WWOX: variants seen among roughly 807,000 people sequenced by gnomAD.
WWOX encodes WW domain containing oxidoreductase.
Under a neutral mutation model 46.2 loss-of-function variants are expected in WWOX, and 69 were observed. The observed-to-expected ratio is 1.49, with a 90% CI of 1.23 to 1.82. The LOEUF is 1.82. WWOX is among the 40% of genes most tolerant of loss of function. The pLI, the probability that WWOX is intolerant of heterozygous loss-of-function variation, is 0.00. For synonymous variants in WWOX, 359 were observed against 202.6 expected (o/e 1.77, Z -6.56); for missense variants, 919 against 542.6 (o/e 1.69, Z -6.89).
intron 8 of WWOX, among the ~76,000 whole-genome samples, chr16:78,613,108 G>A (rs1049606993): frequency 2.6e-5 from 4 of 152,094 alleles, no homozygotes; most frequent in African/African-American, 9.7e-5. Context: ...AGCTTCTCTT[G>A]CATGGGGCCT....
At chr16:78,881,723 G>C (rs1567623365) in intron 8 of WWOX, among the ~76,000 whole-genome samples, 1 of 152,198 alleles carries the variant, frequency 6.6e-6, no homozygotes, top group African/African-American at 2.4e-5. Flanking sequence ...AGAAGTAATA[G>C]AATGATCAAT....
intron 8 of WWOX, among the ~76,000 whole-genome samples, chr16:78,490,569 G>A (rs916224502): frequency 1.3e-5 from 2 of 152,302 alleles, no homozygotes; most frequent in Middle Eastern, 3.4e-3. Context: ...TGGGACGGAG[G>A]AGAAAGAAGA....
intron 5 of WWOX, among the ~76,000 whole-genome samples, chr16:78,175,951 G>T (rs2035330247): frequency 6.6e-6 from 1 of 152,102 alleles, no homozygotes; most frequent in South Asian, 2.1e-4. Context: ...TCCCGGGGTT[G>T]CATCCATCTC....
intron 8 of WWOX, among the ~76,000 whole-genome samples, chr16:78,744,422 C>CT (rs976073233): frequency 0.017 from 1,393 of 82,240 alleles, 171 homozygotes; most frequent in Non-Finnish European, 0.023. Flanking sequence ...GTCCACACTG[C>CT]TTTTTTTTTT....
chr16:78,323,895 T>C (rs2080547897), intron 5 of WWOX, among the ~76,000 whole-genome samples: 2 of 152,170 alleles, frequency 1.3e-5, no homozygotes, highest in African/African-American at 4.8e-5. Flanking sequence ...CAAGGTTAAG[T>C]GCAGTATGGT....
chr16:78,149,178 A>G (rs987899237), intron 4 of WWOX, among the ~76,000 whole-genome samples: 4 of 152,056 alleles, frequency 2.6e-5, no homozygotes, highest in Non-Finnish European at 4.4e-5. Context: ...GGACGTTAAT[A>G]CAGTTGGTTC....
intron 8 of WWOX, among the ~76,000 whole-genome samples, chr16:78,865,071 C>G (rs953147586): frequency 6.6e-6 from 1 of 152,010 alleles, no homozygotes; most frequent in African/African-American, 2.4e-5. Flanking sequence ...CTTTCAAATT[C>G]CATTTTTTAA....
intron 8 of WWOX, among the ~76,000 whole-genome samples, chr16:78,450,351 A>G (rs1370312647): frequency 6.6e-6 from 1 of 152,342 alleles, no homozygotes; most frequent in East Asian, 1.9e-4. Flanking sequence ...ACGAGAATGT[A>G]TGGTGTTTGT....
intron 8 of WWOX, chr16:78,895,773 A>T (rs760815116): frequency 6.6e-6 from 1 of 152,242 alleles, no homozygotes; most frequent in Non-Finnish European, 1.5e-5. Flanking sequence ...AAATTCTGAG[A>T]TGCTAACAAA....
At chr16:78,726,666 T>TTGAGCAATTAATGGAGGAAGG (rs1158563510) in intron 8 of WWOX, among the ~76,000 whole-genome samples, 1 of 152,088 alleles carries the variant, frequency 6.6e-6, no homozygotes, top group African/African-American at 2.4e-5. Flanking sequence ...AACAATTTAT[T>TTGAGCAATTAATGGAGGAAGG]AGGGCTTTAT....
chr16:78,715,639 C>G (rs1409761295), intron 8 of WWOX, among the ~76,000 whole-genome samples: 1 of 152,092 alleles, frequency 6.6e-6, no homozygotes, highest in African/African-American at 2.4e-5. Context: ...GCCACCACAC[C>G]CAGCTTTTTG....
intron 8 of WWOX, among the ~76,000 whole-genome samples, chr16:78,879,733 C>G (rs539560919): frequency 3.9e-5 from 6 of 151,974 alleles, no homozygotes; most frequent in African/African-American, 7.2e-5. Context: ...CAAAATTAGC[C>G]AGGCATGGTG....
At chr16:78,319,680 T>C (rs77581409) in intron 5 of WWOX, among the ~76,000 whole-genome samples, 18,360 of 152,232 alleles carry the variant, frequency 0.12, 1,422 homozygotes, top group East Asian at 0.24. Flanking sequence ...AAATAAACGT[T>C]CTATGCCATT....
chr16:78,213,263 A>AC (rs1335730908), intron 5 of WWOX, among the ~76,000 whole-genome samples: 1 of 151,568 alleles, frequency 6.6e-6, no homozygotes, highest in Non-Finnish European at 1.5e-5. Flanking sequence ...AAAAAAAAAA[A>AC]AAAAAAAAAT....
chr16:79,108,728 C>A (rs1343599608), intron 8 of WWOX, among the ~76,000 whole-genome samples: 1 of 151,908 alleles, frequency 6.6e-6, no homozygotes, highest in East Asian at 1.9e-4. Flanking sequence ...ACAGTGAGAC[C>A]CCACCTCTAC....
chr16:78,314,365 C>A, intron 5 of WWOX, among the ~76,000 whole-genome samples: 1 of 143,288 alleles, frequency 7.0e-6, no homozygotes. Context: ...GAGATCGAGC[C>A]ACTGCACTCC....
chr16:79,196,410 C>T (rs890837192), intron 8 of WWOX: 10 of 152,108 alleles, frequency 6.6e-5, no homozygotes, highest in African/African-American at 1.9e-4. Flanking sequence ...ACCGAGGGAC[C>T]TTCAGCTGAG....
chr16:78,980,482 G>A (rs977370504), intron 8 of WWOX, among the ~76,000 whole-genome samples: 11 of 152,152 alleles, frequency 7.2e-5, no homozygotes, highest in Admixed American at 3.3e-4. Flanking sequence ...TAATTGTGCC[G>A]CAGTTAATTA....
chr16:78,788,224 C>G (rs188709309), intron 8 of WWOX, among the ~76,000 whole-genome samples: 2 of 152,282 alleles, frequency 1.3e-5, no homozygotes, highest in Non-Finnish European at 2.9e-5. Flanking sequence ...ATTGCCAAAT[C>G]CAAGGACATA....
Sources: allele counts gnomAD v4.1 joint callset (sites outside exome capture counted in the v4.1 genomes callset), GRCh38; gene constraint gnomAD v4.1.1; transcripts MANE v1.5; gene names NCBI Gene and HGNC (gene_info 2026-07-23, HGNC 2026-07-21).